RAB28: variants seen among roughly 807,000 people sequenced by gnomAD.
RAB28 encodes the protein RAB28, member RAS oncogene family, also known as ras-related protein Rab-28.
RAB28 carries 24 observed loss-of-function variants against 31.7 expected under a neutral mutation model. The observed-to-expected ratio is 0.76, with a 90% confidence interval of 0.55 to 1.06. The LOEUF (loss-of-function observed/expected upper bound fraction) is 1.06, where lower values mean the gene tolerates loss of function less well. Among genes scored for constraint, RAB28 ranks in the 50% least tolerant of loss-of-function variants. RAB28 has a pLI of 0.00. For missense variants in RAB28, 254 were observed against 258.5 expected (o/e 0.98, Z 0.12); for synonymous variants, 100 against 90.4 (o/e 1.11, Z -0.60).
At position 13,468,885 on chromosome 4, in the gene RAB28, T is replaced by C. The variant is rs111741262; in HGVS notation, c.261+5433A>G. Among the ~76,000 whole-genome samples the C allele has an allele frequency of 1.1e-3, 171 of 151,820 alleles. 2 individuals carry two copies. The highest frequency in any genetic ancestry group is 3.4e-3 in the Middle Eastern group (1 of 292). On this transcript the variant is annotated intron_variant, in intron 3 of 6. Coordinates refer to ENST00000330852, the MANE Select transcript of RAB28 (RefSeq NM_001017979.3). Reference sequence around the variant, plus strand: ...CACATATTAACAACAGTAATTAATATGGGTTTTCACTACCGATCCCATAGA... The same window carrying C: ...CACATATTAACAACAGTAATTAATACGGGTTTTCACTACCGATCCCATAGA...
chr4:13,376,450 C>A, intron 6 of RAB28, 95 bp downstream of exon 6: 1 of 793,098 alleles, frequency 1.3e-6, no homozygotes, highest in Non-Finnish European at 2.0e-6. Flanking sequence ...GAGATACGTA[C>A]ACAGAAGGCA....
At chr4:13,378,126 A>G (rs537777466) in intron 5 of RAB28, among the ~76,000 whole-genome samples, 44 of 152,290 alleles carry the variant, frequency 2.9e-4, no homozygotes, top group African/African-American at 7.5e-4. Context: ...AGCCATTAGG[A>G]ATAAGTGTAG....
chr4:13,370,652 C>T, intron 6 of RAB28: 1 of 984,710 alleles, frequency 1.0e-6, no homozygotes, highest in Non-Finnish European at 1.2e-6. Flanking sequence ...ATATTTAATA[C>T]TATTTATTAC....
intron 4 of RAB28, among the ~76,000 whole-genome samples, chr4:13,384,836 T>C (rs145991703): frequency 6.6e-6 from 1 of 152,192 alleles, no homozygotes; most frequent in African/African-American, 2.4e-5. Context: ...CGGCACTACT[T>C]CTCCTGCAAG....
At chr4:13,407,071 A>T (rs916470507) in intron 4 of RAB28, among the ~76,000 whole-genome samples, 1 of 152,184 alleles carries the variant, frequency 6.6e-6, no homozygotes, top group Non-Finnish European at 1.5e-5. Context: ...GAAGTCATGA[A>T]GTCTTTGCCC....
chr4:13,411,427 T>C (rs1291402719), intron 4 of RAB28, among the ~76,000 whole-genome samples: 1 of 152,122 alleles, frequency 6.6e-6, no homozygotes, highest in Admixed American at 6.5e-5. Flanking sequence ...TGATATGATA[T>C]GAAGCATATT....
chr4:13,469,694 G>A (rs1005574433), intron 3 of RAB28, among the ~76,000 whole-genome samples: 5 of 151,708 alleles, frequency 3.3e-5, no homozygotes, highest in African/African-American at 7.3e-5. Context: ...GGTAATAATC[G>A]ACAGCAATTT....
At chr4:13,407,905 G>A (rs1712197649) in intron 4 of RAB28, among the ~76,000 whole-genome samples, 1 of 152,194 alleles carries the variant, frequency 6.6e-6, no homozygotes, top group Non-Finnish European at 1.5e-5. Context: ...CCAGCTTAAG[G>A]AGATTTTGGG....
intron 6 of RAB28, among the ~76,000 whole-genome samples, chr4:13,373,764 T>G (rs1728809319): frequency 6.6e-6 from 1 of 152,118 alleles, no homozygotes; most frequent in African/African-American, 2.4e-5. Flanking sequence ...CTGTAAATAT[T>G]TATGTCACAA....
chr4:13,414,435 G>A (rs757150908), intron 4 of RAB28, among the ~76,000 whole-genome samples: 17 of 152,250 alleles, frequency 1.1e-4, no homozygotes, highest in Non-Finnish European at 1.9e-4. Flanking sequence ...CCAAATTCTC[G>A]TATCAAAGGG....
At chr4:13,409,466 T>C (rs1367034174) in intron 4 of RAB28, among the ~76,000 whole-genome samples, 1 of 152,196 alleles carries the variant, frequency 6.6e-6, no homozygotes, top group African/African-American at 2.4e-5. Flanking sequence ...CTAATCCTGA[T>C]ACCAAGGGTG....
chr4:13,451,154 A>G (rs932468986), intron 4 of RAB28, among the ~76,000 whole-genome samples: 3 of 151,946 alleles, frequency 2.0e-5, no homozygotes, highest in Admixed American at 6.6e-5. Flanking sequence ...CTAACAGTGT[A>G]TAAGAGTTCT....
intron 4 of RAB28, among the ~76,000 whole-genome samples, chr4:13,429,697 A>G (rs1329453680): frequency 6.6e-6 from 1 of 152,220 alleles, no homozygotes; most frequent in African/African-American, 2.4e-5. Flanking sequence ...AAAGATGGCA[A>G]TATTCCCCAA....
intron 4 of RAB28, among the ~76,000 whole-genome samples, chr4:13,446,532 A>C (rs1714707742): frequency 6.6e-6 from 1 of 152,184 alleles, no homozygotes; most frequent in African/African-American, 2.4e-5. Context: ...ATGGATTGTA[A>C]AAATCTGTGG....
intron 4 of RAB28, among the ~76,000 whole-genome samples, chr4:13,443,614 A>G (rs190577888): frequency 1.0e-3 from 155 of 152,326 alleles, no homozygotes; most frequent in African/African-American, 3.0e-3. Context: ...TGGCATGTGT[A>G]TACTTGTAAA....
chr4:13,435,097 G>A (rs1017980443), intron 4 of RAB28, among the ~76,000 whole-genome samples: 2 of 149,764 alleles, frequency 1.3e-5, no homozygotes, highest in African/African-American at 4.9e-5. Context: ...ACAAATACAT[G>A]GAAACTAAAC....
At chr4:13,443,002 T>C (rs1714504703) in intron 4 of RAB28, among the ~76,000 whole-genome samples, 1 of 152,176 alleles carries the variant, frequency 6.6e-6, no homozygotes, top group Admixed American at 6.5e-5. Context: ...ATAAAATAAA[T>C]ATCCTTATAG....
At chr4:13,448,656 TAAC>T (rs1297500492) in intron 4 of RAB28, among the ~76,000 whole-genome samples, 3 of 152,174 alleles carry the variant, frequency 2.0e-5, no homozygotes, top group Middle Eastern at 3.4e-3. Flanking sequence ...CAGTTGTCAG[TAAC>T]AACAACAGTC....
intron 3 of RAB28, among the ~76,000 whole-genome samples, chr4:13,467,226 G>A (rs1045234183): frequency 8.6e-5 from 13 of 151,674 alleles, no homozygotes; most frequent in Non-Finnish European, 5.9e-5. Flanking sequence ...ATGCTAATTG[G>A]CTTGAATTAA....
Sources: allele counts gnomAD v4.1 joint callset (sites outside exome capture counted in the v4.1 genomes callset), GRCh38; gene constraint gnomAD v4.1.1; transcripts MANE v1.5; gene names NCBI Gene and HGNC (gene_info 2026-07-23, HGNC 2026-07-21).